The following CDH13 variants were observed in gnomAD, a reference collection of about 807,000 sequenced individuals.
CDH13 encodes the protein cadherin-13.
CDH13 carries 24 observed loss-of-function variants against 63.8 expected under a neutral mutation model. The observed-to-expected ratio is 0.38, with a 90% CI of 0.27 to 0.53. CDH13 has a LOEUF of 0.53. CDH13 is among the 20% of genes least tolerant of loss of function. CDH13 has a pLI of 0.85. For missense variants in CDH13, 1,049 were observed against 903.1 expected (o/e 1.16, Z -2.07); for synonymous variants, 503 against 355.3 (o/e 1.42, Z -4.67).
intron 4 of CDH13, among the ~76,000 whole-genome samples, chr16:83,131,681 C>A (rs528569540): frequency 6.6e-6 from 1 of 152,122 alleles, no homozygotes; most frequent in Non-Finnish European, 1.5e-5. Context: ...GTTTGAAAGA[C>A]AAGTCATTTA....
chr16:82,659,216 A>G (rs1911649358), intron 1 of CDH13, among the ~76,000 whole-genome samples: 1 of 152,232 alleles, frequency 6.6e-6, no homozygotes, highest in Admixed American at 6.5e-5. Context: ...ATTGGAACCT[A>G]GTCCCACTAT....
chr16:82,948,425 C>G (rs912075531), intron 2 of CDH13, among the ~76,000 whole-genome samples: 2 of 152,130 alleles, frequency 1.3e-5, no homozygotes, highest in Non-Finnish European at 2.9e-5. Flanking sequence ...CTTCTTCCCC[C>G]TTTAGAGTTC....
At chr16:83,407,235 G>C (rs1338606749) in intron 6 of CDH13, among the ~76,000 whole-genome samples, 1 of 152,196 alleles carries the variant, frequency 6.6e-6, no homozygotes, top group African/African-American at 2.4e-5. Context: ...GAGGTATCAA[G>C]GCAAAGAAAA....
At chr16:83,682,024 C>G (rs1915449090) in intron 10 of CDH13, among the ~76,000 whole-genome samples, 3 of 152,224 alleles carry the variant, frequency 2.0e-5, no homozygotes, top group Non-Finnish European at 4.4e-5. Context: ...TTTAGTATCT[C>G]TAATATCTTT....
At chr16:83,673,355 C>T (rs73248742) in intron 9 of CDH13, among the ~76,000 whole-genome samples, 11,370 of 152,170 alleles carry the variant, frequency 0.075, 692 homozygotes, top group African/African-American at 0.17. Context: ...TACCAATCTC[C>T]GAGAAATCAT....
chr16:83,571,068 C>G (rs571242055), intron 7 of CDH13, among the ~76,000 whole-genome samples: 2 of 150,652 alleles, frequency 1.3e-5, no homozygotes, highest in African/African-American at 4.9e-5. Context: ...ACCACACTCA[C>G]CAAAGAAAGC....
intron 6 of CDH13, among the ~76,000 whole-genome samples, chr16:83,470,540 C>T (rs913079493): frequency 2.0e-5 from 3 of 152,198 alleles, no homozygotes; most frequent in African/African-American, 7.2e-5. Flanking sequence ...GCATAACATT[C>T]CAGCAGTGCT....
intron 6 of CDH13, among the ~76,000 whole-genome samples, chr16:83,363,193 A>G (rs2091196693): frequency 2.0e-5 from 3 of 152,184 alleles, no homozygotes; most frequent in Non-Finnish European, 4.4e-5. Flanking sequence ...CTTAAACATC[A>G]CAGGTTGATT....
chr16:83,115,303 T>G (rs1418757264), intron 3 of CDH13, among the ~76,000 whole-genome samples: 4 of 152,152 alleles, frequency 2.6e-5, no homozygotes, highest in African/African-American at 7.2e-5. Flanking sequence ...ATGGATTAAG[T>G]GAGATAATCA....
chr16:83,558,690 T>A (rs545655765), intron 7 of CDH13, among the ~76,000 whole-genome samples: 18 of 152,324 alleles, frequency 1.2e-4, no homozygotes, highest in South Asian at 6.2e-4. Context: ...AGTGTTCCAA[T>A]TAATTTAGTT....
chr16:83,759,757 T>C (rs147039918), intron 11 of CDH13, among the ~76,000 whole-genome samples: 180 of 151,892 alleles, frequency 1.2e-3, no homozygotes, highest in Admixed American at 2.1e-3. Flanking sequence ...CAAGACCTTA[T>C]CTTTACAAAA....
rs546308600 is a variant in CDH13, at chr16:82,741,384, G to A, written c.45+114247G>A. On this transcript the variant is annotated intron_variant, in intron 1 of 13. Transcript: ENST00000567109. ...CAGAGCCCAGCTCAAACTTTACAAC[G>A]TCTGCACATCCTTCACTAATCCCCT... is the stretch of plus-strand genomic sequence containing the variant. Among the ~76,000 whole-genome samples, 203 of 152,242 alleles carry A rather than the reference G, an allele frequency of 1.3e-3. 3 individuals carry two copies. The highest frequency in any genetic ancestry group is 1.9e-3 in the South Asian group (9 of 4,830).
At chr16:83,673,948 T>C (rs1914733897) in intron 9 of CDH13, among the ~76,000 whole-genome samples, 1 of 152,120 alleles carries the variant, frequency 6.6e-6, no homozygotes, top group Non-Finnish European at 1.5e-5. Flanking sequence ...TTTCTTTGCT[T>C]TGGAATTGGG....
chr16:83,249,965 A>C (rs1321532455), intron 5 of CDH13, among the ~76,000 whole-genome samples: 1 of 152,184 alleles, frequency 6.6e-6, no homozygotes, highest in Non-Finnish European at 1.5e-5. Flanking sequence ...AATCTCCCCA[A>C]AATAGCCCTA....
chr16:83,214,082 G>A (rs1040741549), intron 4 of CDH13, among the ~76,000 whole-genome samples: 5 of 152,172 alleles, frequency 3.3e-5, no homozygotes, highest in African/African-American at 9.6e-5. Flanking sequence ...AGGCAGCAGC[G>A]ACAACCTGCT....
At chr16:83,170,378 G>A (rs531415587) in intron 4 of CDH13, among the ~76,000 whole-genome samples, 1 of 152,216 alleles carries the variant, frequency 6.6e-6, no homozygotes, top group Non-Finnish European at 1.5e-5. Context: ...GTGTTTAGGA[G>A]TGTTTGCTTG....
chr16:83,687,918 C>G (rs1904474909), intron 10 of CDH13, among the ~76,000 whole-genome samples: 1 of 152,226 alleles, frequency 6.6e-6, no homozygotes, highest in Non-Finnish European at 1.5e-5. Context: ...AAAACTACAA[C>G]TGCTTTGTCC....
intron 1 of CDH13, among the ~76,000 whole-genome samples, chr16:82,684,240 C>T (rs376693599): frequency 4.3e-4 from 66 of 152,322 alleles, no homozygotes; most frequent in African/African-American, 1.6e-3. Flanking sequence ...ATCTAGGATT[C>T]AGAACGAAAC....
At chr16:82,885,285 A>G (rs1597899926) in intron 2 of CDH13, among the ~76,000 whole-genome samples, 2 of 152,336 alleles carry the variant, frequency 1.3e-5, no homozygotes, top group African/African-American at 4.8e-5. Context: ...CATTCTCCTG[A>G]AAACAGCAAA....
Sources: gnomAD v4.1 joint callset for allele counts (sites outside exome capture counted in the v4.1 genomes callset) on GRCh38, gnomAD v4.1.1 for gene constraint, MANE v1.5 for transcripts, NCBI Gene and HGNC (gene_info 2026-07-23, HGNC 2026-07-21) for gene names.